The following ANO1 variants were observed in gnomAD, a reference collection of about 807,000 sequenced individuals.
The protein encoded by ANO1 is anoctamin-1.
A neutral mutation model predicts 124.0 loss-of-function variants in ANO1; 59 were observed. That is an observed-to-expected ratio of 0.48 (90% confidence interval 0.39 to 0.59). The LOEUF (loss-of-function observed/expected upper bound fraction) is 0.59, where lower values mean the gene tolerates loss of function less well. ANO1 is among the 20% of genes least tolerant of loss of function. The pLI, the probability that ANO1 is intolerant of heterozygous loss-of-function variation, is 0.00. For synonymous variants in ANO1, 529 were observed against 532.0 expected (o/e 0.99, Z 0.08); for missense variants, 1,059 against 1,328.0 (o/e 0.80, Z 3.15).
intron 21 of ANO1, among the ~76,000 whole-genome samples, chr11:70,170,342 T>C (rs2048413879): frequency 1.3e-5 from 2 of 152,224 alleles, no homozygotes. Flanking sequence ...AGGTGGCTCA[T>C]GCCTGGAATC....
chr11:70,161,771 C>G (rs1479612089), intron 18 of ANO1, 38 bp downstream of exon 18: 1 of 1,598,402 alleles, frequency 6.3e-7, no homozygotes, highest in African/African-American at 1.3e-5. Context: ...CCTCGCTTCT[C>G]CCAGGTCCAG....
intron 16 of ANO1, among the ~76,000 whole-genome samples, chr11:70,158,456 G>C (rs1336696887): frequency 6.6e-6 from 1 of 152,238 alleles, no homozygotes; most frequent in African/African-American, 2.4e-5. Context: ...GCCAGTCCTG[G>C]TACCATCCCC....
intron 1 of ANO1, among the ~76,000 whole-genome samples, chr11:70,021,470 G>C (rs1427082556): frequency 6.7e-5 from 9 of 134,378 alleles, no homozygotes; most frequent in African/African-American, 2.3e-4. Flanking sequence ...TTTTGTTGTT[G>C]TTGTTTCTTT....
intron 1 of ANO1, among the ~76,000 whole-genome samples, chr11:70,036,766 C>G (rs568918279): frequency 6.6e-5 from 10 of 152,306 alleles, no homozygotes; most frequent in Middle Eastern, 3.4e-3. Context: ...CGCCACCACA[C>G]CCGGCTAATT....
intron 1 of ANO1, among the ~76,000 whole-genome samples, chr11:70,038,707 G>T (rs949904364): frequency 1.3e-5 from 2 of 152,162 alleles, no homozygotes. Flanking sequence ...AACACATTTG[G>T]ATTCTCAGCA....
chr11:70,137,702 G>A (rs547713368), intron 11 of ANO1, among the ~76,000 whole-genome samples: 1 of 146,622 alleles, frequency 6.8e-6, no homozygotes, highest in East Asian at 2.1e-4. Flanking sequence ...GCCAGCTCCG[G>A]GGCCCGGCTC....
In ANO1 at chr11:70,167,271, A is replaced by T; in HGVS notation, c.2081A>T (p.Lys694Met). ...PKMKKLIRYL[K>M]LKQQSPPDHE... ...ATGAAGAAGCTCATCCGCTACCTGA[A>T]GCTGAAGCAGCAGAGCCCCCCTGAC... The change falls in exon 21 of 26, where the codon AAG becomes ATG. Residue 694 changes from lysine (K) to methionine (M), a missense_variant. By Grantham distance (95) the Lys-to-Met change is moderately conservative (BLOSUM62 -1). This residue lies in a region of ANO1 where 809 missense variants were observed against 1,094.9 expected (regional missense o/e 0.74). Coordinates refer to ENST00000355303, the MANE Select transcript of ANO1 (RefSeq NM_018043.7). The T allele has an allele frequency of 1.2e-6, 2 of 1,614,034 alleles. No individual in the cohort carries two copies. Among genetic ancestry groups the T allele is most frequent in the Non-Finnish European group, 1.7e-6 (2 of 1,179,886 alleles).
the ANO1 span, among the ~76,000 whole-genome samples, chr11:69,967,475 A>C: frequency 0.044 from 6,765 of 152,286 alleles, 285 homozygotes; most frequent in African/African-American, 0.11. Context: ...ATTCCATCTC[A>C]GACTTCTTCT....
At chr11:70,090,875 C>T (rs574771378) in intron 2 of ANO1, among the ~76,000 whole-genome samples, 8 of 152,288 alleles carry the variant, frequency 5.3e-5, no homozygotes, top group African/African-American at 7.2e-5. Context: ...GGGGTAGAAA[C>T]GTCCATTCAA....
chr11:70,187,648 C>A, intron 25 of ANO1, 90 bp from the exon 26 acceptor site: 1 of 1,467,188 alleles, frequency 6.8e-7, no homozygotes, highest in South Asian at 1.4e-5. Flanking sequence ...GGTGGGGTGG[C>A]ACTCCACCAG....
chr11:69,966,297 G>A, the ANO1 span, among the ~76,000 whole-genome samples: 9 of 152,214 alleles, frequency 5.9e-5, no homozygotes, highest in East Asian at 1.9e-4. Context: ...GACCATGGGC[G>A]TGGCTGGAGG....
the ANO1 span, among the ~76,000 whole-genome samples, chr11:69,974,240 A>T: frequency 1.3e-5 from 2 of 151,434 alleles, no homozygotes; most frequent in Admixed American, 6.6e-5. Flanking sequence ...AAACGCTTGA[A>T]CCTGGGAAGC....
At chr11:69,977,242 G>C in the ANO1 span, among the ~76,000 whole-genome samples, 2,830 of 152,298 alleles carry the variant, frequency 0.019, 107 homozygotes, top group African/African-American at 0.065. Context: ...GGTTCTGTGT[G>C]CACGGTCAGT....
chr11:70,066,076 T>C (rs1857709794), intron 1 of ANO1, among the ~76,000 whole-genome samples: 1 of 152,216 alleles, frequency 6.6e-6, no homozygotes, highest in South Asian at 2.1e-4. Flanking sequence ...AGGGACTTGT[T>C]TGCATTGTTT....
chr11:70,105,710 G>A (rs1018365313), intron 4 of ANO1, 24 bp from the exon 5 acceptor site: 177 of 1,612,206 alleles, frequency 1.1e-4, no homozygotes, highest in Non-Finnish European at 1.5e-4. Flanking sequence ...ACTGTGTCTT[G>A]TTTCCTTCCC....
intron 1 of ANO1, among the ~76,000 whole-genome samples, chr11:70,023,415 T>C (rs2135004871): frequency 6.6e-6 from 1 of 152,332 alleles, no homozygotes; most frequent in South Asian, 2.1e-4. Flanking sequence ...TGGCACGTCT[T>C]GTCAGAGGCT....
chr11:70,182,884 G>A (rs949383395), intron 24 of ANO1, among the ~76,000 whole-genome samples, 198 bp downstream of exon 24: 2 of 152,214 alleles, frequency 1.3e-5, no homozygotes, highest in South Asian at 2.1e-4. Flanking sequence ...CCAGGCAGGA[G>A]GATCACTTGA....
chr11:70,104,270 C>A, intron 4 of ANO1, 120 bp downstream of exon 4: 1 of 1,221,912 alleles, frequency 8.2e-7, no homozygotes, highest in Non-Finnish European at 1.1e-6. Context: ...CTTGTAAGAG[C>A]TTTGTGGTTG....
At chr11:70,080,159 T>C (rs2044160275) in intron 1 of ANO1, among the ~76,000 whole-genome samples, 1 of 152,226 alleles carries the variant, frequency 6.6e-6, no homozygotes, top group South Asian at 2.1e-4. Flanking sequence ...GACTATTCCA[T>C]AGTGCTGGGC....
Sources: gnomAD v4.1 joint callset for allele counts (sites outside exome capture counted in the v4.1 genomes callset) on GRCh38, gnomAD v4.1.1 for gene constraint, gnomAD v4.1.1 regional missense constraint, MANE v1.5 for transcripts, NCBI Gene and HGNC (gene_info 2026-07-23, HGNC 2026-07-21) for gene names.